RELL1: variants seen among roughly 807,000 people sequenced by gnomAD.
The protein encoded by RELL1 is RELT-like protein 1.
In RELL1, 10 loss-of-function variants were observed where a neutral mutation model predicts 23.0. The observed-to-expected ratio is 0.43, with a 90% CI of 0.27 to 0.74. RELL1 has a LOEUF of 0.74. Ranked by LOEUF, RELL1 falls within the 30% of genes least tolerant of loss-of-function variation. The probability of loss-of-function intolerance (pLI) is 0.19; values close to 1 mark genes in which losing one functional copy is unlikely to be tolerated. For missense variants in RELL1, 315 were observed against 364.4 expected (o/e 0.86, Z 1.10); for synonymous variants, 146 against 146.8 (o/e 0.99, Z 0.04).
At chr4:37,614,085 C>T (rs951808344) in intron 6 of RELL1, among the ~76,000 whole-genome samples, 16 of 152,242 alleles carry the variant, frequency 1.1e-4, no homozygotes, top group East Asian at 9.7e-4. Context: ...ACCCTATAAA[C>T]ACTAAACAAA....
chr4:37,587,778 G>A (rs1290356992), downstream of RELL1, among the ~76,000 whole-genome samples: 3 of 152,154 alleles, frequency 2.0e-5, no homozygotes, highest in African/African-American at 7.2e-5. Flanking sequence ...AGACCAGCAT[G>A]GCCAACGTGG....
At chr4:37,598,078 A>ATATATAT (rs1553870664) in intron 6 of RELL1, among the ~76,000 whole-genome samples, 72 of 126,740 alleles carry the variant, frequency 5.7e-4, no homozygotes, top group East Asian at 4.8e-3. Flanking sequence ...TATATATCAT[A>ATATATAT]ATATATATAT....
intron 1 of RELL1, among the ~76,000 whole-genome samples, chr4:37,656,251 C>T (rs78883561): frequency 0.018 from 2,759 of 152,194 alleles, 78 homozygotes; most frequent in African/African-American, 0.064. Flanking sequence ...AAGCCAGACA[C>T]CAAAGGACAA....
chr4:37,623,666 A>C (rs768821311), intron 6 of RELL1, among the ~76,000 whole-genome samples: 2 of 152,030 alleles, frequency 1.3e-5, no homozygotes, highest in African/African-American at 2.4e-5. Context: ...CCACCTCCAC[A>C]TTTCAGATGG....
At position 37,595,335 on chromosome 4, in the gene RELL1, A is replaced by T. The variant is rs368162416; in HGVS notation, c.*4-4118T>A. Among the ~76,000 whole-genome samples, 59 of 152,342 alleles carry T rather than the reference A, an allele frequency of 3.9e-4. 1 individual carries two copies. The South Asian group carries it at 0.012, about 31-fold the overall frequency. ...CAAGTCAATGTGTTGATCGTAGATG[A>T]TGCTTACCTGCACATTTAGTCACTT... is the stretch of plus-strand genomic sequence containing the variant. On this transcript the variant is annotated intron_variant, in intron 6 of 6. Transcript: ENST00000314117.
At chr4:37,645,326 T>A (rs1031739686) in intron 3 of RELL1, among the ~76,000 whole-genome samples, 1 of 152,182 alleles carries the variant, frequency 6.6e-6, no homozygotes, top group African/African-American at 2.4e-5. Flanking sequence ...CACTGCACAC[T>A]TCCAGAATGG....
intron 1 of RELL1, among the ~76,000 whole-genome samples, chr4:37,683,882 C>T (rs1224226685): frequency 2.6e-5 from 4 of 151,704 alleles, no homozygotes; most frequent in Non-Finnish European, 5.9e-5. Context: ...GAGATGGAGA[C>T]CATCCTGGCT....
chr4:37,642,630 C>A (rs533867956), intron 3 of RELL1, among the ~76,000 whole-genome samples: 1 of 152,110 alleles, frequency 6.6e-6, no homozygotes, highest in Non-Finnish European at 1.5e-5. Flanking sequence ...ATAATGAGCA[C>A]CTTTTGATCA....
intron 6 of RELL1, among the ~76,000 whole-genome samples, chr4:37,600,946 T>C (rs1719001038): frequency 6.6e-6 from 1 of 152,210 alleles, no homozygotes; most frequent in South Asian, 2.1e-4. Flanking sequence ...GGAATGAAAA[T>C]AAATTGAGTT....
downstream of RELL1, among the ~76,000 whole-genome samples, chr4:37,609,622 C>A (rs1719314646): frequency 6.6e-6 from 1 of 152,172 alleles, no homozygotes; most frequent in Non-Finnish European, 1.5e-5. Context: ...CCATTAAGAA[C>A]ATTTTTGATT....
intron 1 of RELL1, among the ~76,000 whole-genome samples, chr4:37,671,808 T>G (rs1422886544): frequency 1.3e-5 from 2 of 152,346 alleles, no homozygotes; most frequent in East Asian, 3.9e-4. Flanking sequence ...TCTACGGATT[T>G]GCCCGGAAGT....
At chr4:37,614,704 A>ATT (rs1220697361) in intron 6 of RELL1, among the ~76,000 whole-genome samples, 2 of 151,828 alleles carry the variant, frequency 1.3e-5, no homozygotes, top group African/African-American at 2.4e-5. Context: ...ATGAGAGGGA[A>ATT]TTTTCCAGGC....
intron 1 of RELL1, among the ~76,000 whole-genome samples, chr4:37,664,937 G>GTGT (rs1721478105): frequency 9.2e-5 from 14 of 152,078 alleles, no homozygotes; most frequent in African/African-American, 3.4e-4. Flanking sequence ...CACAGAACTC[G>GTGT]CCGGAAAACC....
At chr4:37,592,208 CAAA>C (rs34307749) in intron 6 of RELL1, among the ~76,000 whole-genome samples, 20,967 of 93,108 alleles carry the variant, frequency 0.23, 1,825 homozygotes, top group Non-Finnish European at 0.27. Context: ...GACTCCATCT[CAAA>C]AAAAAAAAAA....
At chr4:37,673,465 T>G (rs1431034359) in intron 1 of RELL1, among the ~76,000 whole-genome samples, 1 of 152,186 alleles carries the variant, frequency 6.6e-6, no homozygotes, top group African/African-American at 2.4e-5. Context: ...GTGCTGAGAT[T>G]ACAGGCGTGA....
chr4:37,662,501 CAG>C (rs1721389533), intron 1 of RELL1, among the ~76,000 whole-genome samples: 1 of 151,222 alleles, frequency 6.6e-6, no homozygotes, highest in South Asian at 2.1e-4. Flanking sequence ...CTGGGGCACT[CAG>C]AGCATTCCTG....
chr4:37,686,254 G>C lies in RELL1; in HGVS notation c.34C>G (p.Leu12Val). 2 of 1,570,868 alleles carry C rather than the reference G, an allele frequency of 1.3e-6. No individual in the cohort carries two copies. The highest frequency in any genetic ancestry group is 1.7e-6 in the Non-Finnish European group (2 of 1,166,986). ...CCTCCCACGAAGACAGCAGCGGCTA[G>C]GACGGCGGACCCCGGGAGTGCCCGC... The part of the protein sequence containing the change: ...APRALPGSAV[L>V]AAAVFVGGAV... Residue 12 changes from leucine (L) to valine (V), a missense_variant, in exon 1 of 7, where the codon CTA becomes GTA. By Grantham distance (32) the Leu-to-Val change is conservative (BLOSUM62 1). Transcript: ENST00000454158.
intron 3 of RELL1, among the ~76,000 whole-genome samples, chr4:37,641,979 C>T (rs73230538): frequency 0.2 from 30,210 of 152,140 alleles, 3,716 homozygotes; most frequent in Non-Finnish European, 0.27. Context: ...GCCGGAGTCA[C>T]ACAGCTAGAG....
At chr4:37,676,137 C>T (rs1722018801) in intron 1 of RELL1, among the ~76,000 whole-genome samples, 1 of 152,158 alleles carries the variant, frequency 6.6e-6, no homozygotes, top group African/African-American at 2.4e-5. Context: ...GTCCCAACCC[C>T]AGCCCTAGGT....
Sources: gnomAD v4.1 joint callset for allele counts (sites outside exome capture counted in the v4.1 genomes callset) on GRCh38, gnomAD v4.1.1 for gene constraint, MANE v1.5 for transcripts, NCBI Gene and HGNC (gene_info 2026-07-23, HGNC 2026-07-21) for gene names.